LIMCH1: variants seen among roughly 807,000 people sequenced by gnomAD.
The protein encoded by LIMCH1 is LIM and calponin homology domains 1, also known as LIM and calponin homology domains-containing protein 1.
Under a neutral mutation model 176.5 loss-of-function variants are expected in LIMCH1, and 113 were observed. That is an observed-to-expected ratio of 0.64 (90% confidence interval 0.55 to 0.75). LIMCH1 has a LOEUF of 0.75. Ranked by LOEUF, LIMCH1 falls within the 30% of genes least tolerant of loss-of-function variation. The probability of loss-of-function intolerance (pLI) is 0.00; values close to 1 mark genes in which losing one functional copy is unlikely to be tolerated. For synonymous variants in LIMCH1, 619 were observed against 645.9 expected (o/e 0.96, Z 0.63); for missense variants, 1,674 against 1,814.9 (o/e 0.92, Z 1.41).
At position 41,380,184 on chromosome 4, in the gene LIMCH1, A is replaced by G. The variant is rs115322367; in HGVS notation, c.96+19248A>G. The stretch of plus-strand genomic sequence containing the variant: ...AAAAATGCTTCCACTCTGAAATCCC[A>G]CCTGATATAGGTAATCACTGGTAAT... On this transcript the variant is annotated intron_variant, in intron 1 of 26. Transcript: ENST00000313860. 7.3e-3 allele frequency among the ~76,000 whole-genome samples: 1,107 copies of G among 152,264 alleles called. 14 individuals carry two copies. The highest frequency in any genetic ancestry group is 0.024 in the African/African-American group (1,015 of 41,544).
At chr4:41,551,224 T>A (rs2080369032) in intron 1 of LIMCH1, 1 of 152,198 alleles carries the variant, frequency 6.6e-6, no homozygotes, top group Non-Finnish European at 1.5e-5. Context: ...AGGGGAAATA[T>A]GTCTTTGATC....
At chr4:41,587,057 A>T (rs913253008) in intron 1 of LIMCH1, among the ~76,000 whole-genome samples, 1 of 152,212 alleles carries the variant, frequency 6.6e-6, no homozygotes, top group African/African-American at 2.4e-5. Context: ...TGGCATCAAG[A>T]CTGTTAACTT....
At chr4:41,555,847 A>C (rs776129656) in intron 1 of LIMCH1, among the ~76,000 whole-genome samples, 3 of 152,090 alleles carry the variant, frequency 2.0e-5, no homozygotes, top group African/African-American at 2.4e-5. Context: ...GGTTCAGTGA[A>C]TCCTCCTAAT....
chr4:41,526,261 CT>C (rs11384675), intron 3 of LIMCH1, among the ~76,000 whole-genome samples: 4,913 of 130,888 alleles, frequency 0.038, 58 homozygotes, highest in Non-Finnish European at 0.045. Context: ...CTTGCTATCG[CT>C]TTTTTTTTTT....
chr4:41,619,315 C>T lies in LIMCH1; in HGVS notation c.333C>T (p.Leu111=), dbSNP rs1020772697. 11 of 1,614,062 alleles carry T rather than the reference C, an allele frequency of 6.8e-6. No homozygotes were observed. The highest frequency in any genetic ancestry group is 1.1e-5 in the South Asian group (1 of 91,084). The change falls in exon 6 of 32, where the codon CTC becomes CTT. Residue 111 remains leucine (L), a synonymous_variant. Transcript: ENST00000503057. ...PKSAVPFNQY[L]PNKSNQTAYV... ...CAGCAGTGCCTTTTAACCAGTACCT[C>T]CCGAACAAAAGCAATCAGACGGCCT... is the stretch of plus-strand genomic sequence containing the variant.
At chr4:41,601,204 G>A (rs2089861212) in intron 2 of LIMCH1, among the ~76,000 whole-genome samples, 1 of 152,154 alleles carries the variant, frequency 6.6e-6, no homozygotes, top group African/African-American at 2.4e-5. Flanking sequence ...AGATAGCCAA[G>A]GTCTTCTGCT....
chr4:41,424,450 C>T (rs956469528), intron 1 of LIMCH1, among the ~76,000 whole-genome samples: 1 of 152,160 alleles, frequency 6.6e-6, no homozygotes, highest in Non-Finnish European at 1.5e-5. Flanking sequence ...ACCCGTGGAC[C>T]CTTATCTGAA....
At position 41,598,914 on chromosome 4, in the gene LIMCH1, T is replaced by TTC; in HGVS notation, c.-240-4_-240-3dup. The TTC allele has an allele frequency of 1.3e-6, 2 of 1,564,374 alleles. No individual in the cohort carries two copies. On this transcript the variant is annotated splice_polypyrimidine_tract_variant and splice_region_variant and intron_variant, in intron 1 of 31. Transcript: ENST00000503057. ...TATAGACTTATATTTCTTTTTTTCC[T>TTC]TCTAGGACAATATTATCTTATTCTT...
chr4:41,535,377 C>T (rs1363095862), upstream of LIMCH1, among the ~76,000 whole-genome samples: 2 of 151,916 alleles, frequency 1.3e-5, no homozygotes, highest in African/African-American at 4.8e-5. Flanking sequence ...TTTATTTTGT[C>T]AATTCTGTAG....
At chr4:41,634,680 CCA>C (rs2093489378) in intron 13 of LIMCH1, among the ~76,000 whole-genome samples, 1 of 152,218 alleles carries the variant, frequency 6.6e-6, no homozygotes, top group Non-Finnish European at 1.5e-5. Flanking sequence ...TGCTTTACAA[CCA>C]CAGAGTGCTT....
chr4:41,561,937 CCTT>C (rs1386699252), intron 1 of LIMCH1, among the ~76,000 whole-genome samples: 1 of 152,168 alleles, frequency 6.6e-6, no homozygotes, highest in Admixed American at 6.5e-5. Flanking sequence ...CTCTAAAAAG[CCTT>C]CTCTCTAGAG....
chr4:41,554,854 T>C (rs1462243094), intron 1 of LIMCH1, among the ~76,000 whole-genome samples: 1 of 152,194 alleles, frequency 6.6e-6, no homozygotes, highest in Non-Finnish European at 1.5e-5. Context: ...CCCTATTAGG[T>C]GTCGAGCACT....
chr4:41,535,930 T>G (rs182286730), upstream of LIMCH1, among the ~76,000 whole-genome samples: 117 of 152,324 alleles, frequency 7.7e-4, no homozygotes, highest in Admixed American at 2.2e-3. Flanking sequence ...AATGCCATTC[T>G]TTGAAGAAAG....
chr4:41,416,670 A>C (rs2059966154), intron 1 of LIMCH1, among the ~76,000 whole-genome samples: 1 of 151,972 alleles, frequency 6.6e-6, no homozygotes, highest in Non-Finnish European at 1.5e-5. Context: ...AAACAAAAAA[A>C]AAAAAAAGAA....
chr4:41,417,680 C>G (rs537811180), intron 1 of LIMCH1, among the ~76,000 whole-genome samples: 1 of 152,130 alleles, frequency 6.6e-6, no homozygotes, highest in South Asian at 2.1e-4. Flanking sequence ...GCCACCATGC[C>G]TGGCTAATAC....
chr4:41,474,272 AG>A (rs1480461363), intron 1 of LIMCH1, among the ~76,000 whole-genome samples: 10 of 152,186 alleles, frequency 6.6e-5, no homozygotes, highest in African/African-American at 2.4e-4. Context: ...GTGGATCACA[AG>A]GGCAGGAGTT....
upstream of LIMCH1, among the ~76,000 whole-genome samples, chr4:41,535,883 A>AT (rs531250362): frequency 3.3e-5 from 5 of 149,976 alleles, no homozygotes; most frequent in Non-Finnish European, 4.5e-5. Flanking sequence ...CCCCAACTTC[A>AT]TTTTTTTTTC....
chr4:41,694,115 A>C (rs994371987), intron 31 of LIMCH1, among the ~76,000 whole-genome samples: 2 of 152,136 alleles, frequency 1.3e-5, no homozygotes, highest in African/African-American at 4.8e-5. Flanking sequence ...AAAAATAAGA[A>C]AGTGATTTGG....
intron 13 of LIMCH1, 117 bp downstream of exon 13, chr4:41,633,925 A>G: frequency 8.4e-7 from 1 of 1,189,978 alleles, no homozygotes. Context: ...GCAGAAACAG[A>G]ATGATCAAAA....
Sources: allele counts gnomAD v4.1 joint callset (sites outside exome capture counted in the v4.1 genomes callset), GRCh38; gene constraint gnomAD v4.1.1; transcripts MANE v1.5; gene names NCBI Gene and HGNC (gene_info 2026-07-23, HGNC 2026-07-21).